Variants in TENM3 observed in about 807,000 individuals in gnomAD.
TENM3 encodes the protein teneurin-3.
In TENM3, 63 loss-of-function variants were observed where a neutral mutation model predicts 255.1. The ratio of observed to expected loss-of-function variants is 0.25; its 90% CI spans 0.20 to 0.30. The LOEUF is 0.30. Ranked by LOEUF, TENM3 falls within the 10% of genes least tolerant of loss-of-function variation. TENM3 has a pLI of 1.00. For missense variants in TENM3, 2,929 were observed against 3,461.1 expected, an observed-to-expected ratio of 0.85 and a Z score of 3.86; for synonymous variants, 1,306 against 1,322.3, an observed-to-expected ratio of 0.99 and a Z score of 0.27.
chr4:182,575,084 CAT>C (rs537412218), intron 3 of TENM3, among the ~76,000 whole-genome samples: 33 of 152,258 alleles, frequency 2.2e-4, no homozygotes, highest in South Asian at 8.3e-4. Context: ...TTGGCATAAA[CAT>C]GTGGTAAAAT....
At chr4:181,518,801 T>C in the TENM3 span, among the ~76,000 whole-genome samples, 5 of 152,142 alleles carry the variant, frequency 3.3e-5, no homozygotes, top group Admixed American at 2.6e-4. Context: ...CTGATAAATA[T>C]ATTCCTGTAT....
intron 3 of TENM3, among the ~76,000 whole-genome samples, chr4:182,560,018 T>C (rs1251721706): frequency 6.6e-6 from 1 of 151,888 alleles, no homozygotes; most frequent in Non-Finnish European, 1.5e-5. Flanking sequence ...AAATATCTTC[T>C]CATGTACCCC....
chr4:181,820,721 C>T, the TENM3 span, among the ~76,000 whole-genome samples: 1 of 152,162 alleles, frequency 6.6e-6, no homozygotes, highest in African/African-American at 2.4e-5. Flanking sequence ...ATATCCCTTT[C>T]TTATGTGCTA....
the TENM3 span, among the ~76,000 whole-genome samples, chr4:181,987,823 G>A: frequency 2.6e-5 from 4 of 151,980 alleles, no homozygotes; most frequent in Admixed American, 1.3e-4. Flanking sequence ...GACAATATTC[G>A]AGCAAATGTA....
the TENM3 span, among the ~76,000 whole-genome samples, chr4:181,567,888 A>T: frequency 6.6e-6 from 1 of 152,168 alleles, no homozygotes. Flanking sequence ...TAAAACTATG[A>T]AGTTGTGGAG....
At chr4:182,051,205 T>C in the TENM3 span, among the ~76,000 whole-genome samples, 1 of 151,614 alleles carries the variant, frequency 6.6e-6, no homozygotes, top group Non-Finnish European at 1.5e-5. Context: ...TAGCCAGGTG[T>C]GATGGCAAGC....
At chr4:181,763,877 CT>C in the TENM3 span, among the ~76,000 whole-genome samples, 1 of 152,218 alleles carries the variant, frequency 6.6e-6, no homozygotes, top group East Asian at 1.9e-4. Context: ...TTATGGAAAA[CT>C]TTTATGAACG....
chr4:182,021,569 A>G, the TENM3 span, among the ~76,000 whole-genome samples: 3 of 152,296 alleles, frequency 2.0e-5, no homozygotes, highest in East Asian at 1.9e-4. Context: ...CTTTACCATT[A>G]AAGAATTTAT....
chr4:182,439,842 C>G (rs1424360061), intron 3 of TENM3, among the ~76,000 whole-genome samples: 1 of 152,202 alleles, frequency 6.6e-6, no homozygotes, highest in Non-Finnish European at 1.5e-5. Context: ...CTTGAAATCT[C>G]TACTTGGGGC....
intron 13 of TENM3, among the ~76,000 whole-genome samples, chr4:182,724,568 A>G (rs1760015513): frequency 6.6e-6 from 1 of 152,238 alleles, no homozygotes; most frequent in African/African-American, 2.4e-5. Context: ...CCAACTGATT[A>G]GTTCAGAAGG....
the TENM3 span, among the ~76,000 whole-genome samples, chr4:181,859,035 G>A: frequency 0.56 from 84,440 of 151,588 alleles, 25,770 homozygotes; most frequent in Admixed American, 0.68. Flanking sequence ...GTTGAGGGGC[G>A]TGTTGGTCTT....
chr4:182,417,246 G>A (rs1429882094), intron 3 of TENM3, among the ~76,000 whole-genome samples: 2 of 152,004 alleles, frequency 1.3e-5, no homozygotes, highest in Non-Finnish European at 1.5e-5. Context: ...ATAGTGCTGG[G>A]ATTACAGGCG....
chr4:181,576,796 T>C, the TENM3 span, among the ~76,000 whole-genome samples: 1 of 148,606 alleles, frequency 6.7e-6, no homozygotes, highest in Non-Finnish European at 1.5e-5. Flanking sequence ...TTTTTCTTTT[T>C]CTTTTCTTTC....
At chr4:182,557,767 C>G (rs771779382) in intron 3 of TENM3, among the ~76,000 whole-genome samples, 24 of 152,176 alleles carry the variant, frequency 1.6e-4, no homozygotes, top group Non-Finnish European at 2.4e-4. Context: ...ACCAGCCCAG[C>G]TGAGATTCAG....
intron 3 of TENM3, among the ~76,000 whole-genome samples, chr4:182,591,138 A>G (rs1168905993): frequency 4.6e-5 from 7 of 152,164 alleles, no homozygotes; most frequent in Non-Finnish European, 8.8e-5. Context: ...AAGGTAGTAT[A>G]TTTAACCCAA....
intron 22 of TENM3, among the ~76,000 whole-genome samples, chr4:182,770,802 G>T (rs1439428375): frequency 6.6e-6 from 1 of 152,174 alleles, no homozygotes; most frequent in Non-Finnish European, 1.5e-5. Flanking sequence ...GCACGGAAAG[G>T]CTGTTCTGAA....
chr4:182,180,713 T>A (rs1752788195), intron 1 of TENM3, among the ~76,000 whole-genome samples: 1 of 151,558 alleles, frequency 6.6e-6, no homozygotes, highest in Non-Finnish European at 1.5e-5. Flanking sequence ...TGGGCTCAAG[T>A]GATCCTGCCA....
chr4:182,229,596 G>A (rs1412373804), intron 1 of TENM3, among the ~76,000 whole-genome samples: 1 of 150,694 alleles, frequency 6.6e-6, no homozygotes, highest in Admixed American at 6.6e-5. Context: ...GACTGTGTGT[G>A]CGTGTGTATG....
chr4:181,900,626 C>T, the TENM3 span, among the ~76,000 whole-genome samples: 3 of 152,178 alleles, frequency 2.0e-5, no homozygotes, highest in South Asian at 2.1e-4. Context: ...CCCCTTGAGT[C>T]CTCTTTTTCC....
Sources: gnomAD v4.1 joint callset for allele counts (sites outside exome capture counted in the v4.1 genomes callset) on GRCh38, gnomAD v4.1.1 for gene constraint, MANE v1.5 for transcripts, NCBI Gene and HGNC (gene_info 2026-07-23, HGNC 2026-07-21) for gene names.